Variants in GALNT2 observed in about 807,000 individuals in gnomAD.
The protein encoded by GALNT2 is polypeptide N-acetylgalactosaminyltransferase 2, also known as UDP-GalNAc:polypeptide N-acetylgalactosaminyltransferase 2.
GALNT2 carries 31 observed loss-of-function variants against 81.4 expected under a neutral mutation model. That is an observed-to-expected ratio of 0.38 (90% confidence interval 0.29 to 0.51). The LOEUF (loss-of-function observed/expected upper bound fraction) is 0.51, where lower values mean the gene tolerates loss of function less well. Ranked by LOEUF, GALNT2 falls within the 20% of genes least tolerant of loss-of-function variation. GALNT2 has a pLI of 0.87. For synonymous variants in GALNT2, 303 were observed against 287.4 expected (o/e 1.05, Z -0.55); for missense variants, 629 against 765.7 (o/e 0.82, Z 2.11).
At chr1:230,092,180 T>TTTTTTG (rs1463456206) in intron 1 of GALNT2, 1 of 109,118 alleles carries the variant, frequency 9.2e-6, no homozygotes, top group Admixed American at 9.8e-5. Flanking sequence ...CCTTTAGTTT[T>TTTTTTG]TTTTTTTTTT....
intron 1 of GALNT2, among the ~76,000 whole-genome samples, chr1:230,108,778 C>T (rs1391761517): frequency 1.3e-5 from 2 of 152,226 alleles, no homozygotes; most frequent in South Asian, 2.1e-4. Context: ...TGTTTAACTT[C>T]GTGACCGTGT....
intron 11 of GALNT2, chr1:230,261,962 G>C (rs1279781067): frequency 6.6e-6 from 1 of 151,536 alleles, no homozygotes; most frequent in African/African-American, 2.4e-5. Flanking sequence ...AGTGAGCCGA[G>C]ATCTCGCCAC....
intron 1 of GALNT2, among the ~76,000 whole-genome samples, chr1:230,114,756 T>C (rs2102793882): frequency 6.6e-6 from 1 of 152,322 alleles, no homozygotes; most frequent in East Asian, 1.9e-4. Flanking sequence ...TGGTGTGGCA[T>C]TAATGGCAGT....
rs140514370 is a variant in GALNT2, at chr1:230,274,451, G to T, written c.1447G>T (p.Ala483Ser). The stretch of plus-strand genomic sequence containing the variant: ...TTCTGGTTTTGTGTTCCAGGAATGG[G>T]CCTTGACGAAGGAGAAGTCGGTGAA... ...CHNAGGNQEWALTKEKSVKHM... is the reference protein window; with the variant it reads ...CHNAGGNQEWSLTKEKSVKHM... The change falls in exon 15 of 16, where the codon GCC (alanine) becomes TCC (serine). Residue 483 changes from alanine (A) to serine (S), a missense_variant. Ala to Ser is a moderately conservative substitution (Grantham distance 99). Transcript: ENST00000366672. The T allele has an allele frequency of 1.9e-6, 3 of 1,613,308 alleles. No individual in the cohort carries two copies. Among genetic ancestry groups the T allele is most frequent in the East Asian group, 4.5e-5 (2 of 44,888 alleles).
intron 1 of GALNT2, among the ~76,000 whole-genome samples, chr1:230,081,040 T>C (rs887633423): frequency 2.0e-5 from 3 of 152,170 alleles, no homozygotes; most frequent in Non-Finnish European, 4.4e-5. Context: ...AGAGCCAGCC[T>C]CCTCTGCCAG....
At chr1:230,077,253 A>C (rs1271539205) in intron 1 of GALNT2, among the ~76,000 whole-genome samples, 1 of 152,186 alleles carries the variant, frequency 6.6e-6, no homozygotes, top group East Asian at 1.9e-4. Flanking sequence ...TGTGACCTTC[A>C]AAAGGCCTGC....
intron 1 of GALNT2, among the ~76,000 whole-genome samples, chr1:230,120,361 T>C (rs112746821): frequency 6.0e-4 from 90 of 150,840 alleles, no homozygotes; most frequent in African/African-American, 2.1e-3. Flanking sequence ...ATGCCTGCCT[T>C]GTGGATGTCA....
intron 1 of GALNT2, among the ~76,000 whole-genome samples, chr1:230,112,131 A>C (rs1038796518): frequency 6.6e-6 from 1 of 152,130 alleles, no homozygotes; most frequent in Non-Finnish European, 1.5e-5. Flanking sequence ...CCACAGCTGG[A>C]TCTCAGCTCT....
intron 1 of GALNT2, among the ~76,000 whole-genome samples, chr1:230,062,105 G>C (rs1055542046): frequency 1.3e-5 from 2 of 152,088 alleles, no homozygotes; most frequent in Non-Finnish European, 2.9e-5. Context: ...TTACCGGTTT[G>C]ATGGGAGGAT....
intron 2 of GALNT2, among the ~76,000 whole-genome samples, chr1:230,201,812 C>G (rs114172474): frequency 2.6e-5 from 4 of 152,282 alleles, no homozygotes; most frequent in African/African-American, 9.6e-5. Flanking sequence ...CCTATTCTCC[C>G]GGAGAGTTGC....
intron 1 of GALNT2, among the ~76,000 whole-genome samples, chr1:230,160,012 G>A (rs1662382221): frequency 6.6e-6 from 1 of 152,150 alleles, no homozygotes; most frequent in Non-Finnish European, 1.5e-5. Context: ...GCACCACCCA[G>A]GTGCTTCCCT....
intron 1 of GALNT2, among the ~76,000 whole-genome samples, chr1:230,074,692 T>C (rs978440898): frequency 6.6e-6 from 1 of 152,226 alleles, no homozygotes; most frequent in South Asian, 2.1e-4. Flanking sequence ...GGAGGGCTAA[T>C]ATATTAATAC....
At chr1:230,270,501 A>AATTTC (rs1466255982) in intron 14 of GALNT2, among the ~76,000 whole-genome samples, 1 of 152,250 alleles carries the variant, frequency 6.6e-6, no homozygotes, top group Non-Finnish European at 1.5e-5. Context: ...TTACAAGTTT[A>AATTTC]ATTTCATTTC....
rs781338902 is a variant in GALNT2, at chr1:230,154,977, G to A, written c.127-23241G>A. 2.0e-3 allele frequency among the ~76,000 whole-genome samples: 304 copies of A among 152,204 alleles called. 1 individual carries two copies. Among genetic ancestry groups the A allele is most frequent in the Admixed American group, 3.3e-3 (50 of 15,292 alleles). On this transcript the variant is annotated intron_variant, in intron 1 of 15. Transcript: ENST00000366672. ...GGCCCCTTGCAGTTCTAATATTTAC[G>A]TACTAGCACTTAAAAAGACTTTCTC...
rs149645124 is a variant in GALNT2, at chr1:230,136,244, C to T, written c.127-41974C>T. ...TCAGGTAACTATGATCGAACCTGCACGCATTGTTTTAGTGCCACGTTGATT... is the reference window on the plus strand; with the variant it reads ...TCAGGTAACTATGATCGAACCTGCATGCATTGTTTTAGTGCCACGTTGATT... On this transcript the variant is annotated intron_variant, in intron 1 of 15. Transcript: ENST00000366672. Among the ~76,000 whole-genome samples the T allele has an allele frequency of 3.9e-3, 600 of 152,174 alleles. 3 individuals carry two copies. The highest frequency in any genetic ancestry group is 6.7e-3 in the Non-Finnish European group (459 of 68,014).
At chr1:230,079,729 T>C (rs1342967592) in intron 1 of GALNT2, among the ~76,000 whole-genome samples, 6 of 152,144 alleles carry the variant, frequency 3.9e-5, no homozygotes, top group African/African-American at 1.4e-4. Flanking sequence ...GTAATTCAAG[T>C]CTGGGTTCTT....
At chr1:230,096,446 C>G (rs984390216) in intron 1 of GALNT2, among the ~76,000 whole-genome samples, 6 of 152,284 alleles carry the variant, frequency 3.9e-5, no homozygotes, top group African/African-American at 1.4e-4. Context: ...CCAGAGGTGT[C>G]TGCGTCTCCC....
chr1:230,155,386 C>T lies in GALNT2; in HGVS notation c.127-22832C>T, dbSNP rs1662217028. 3.3e-5 allele frequency among the ~76,000 whole-genome samples: 5 copies of T among 152,242 alleles called. No homozygotes were observed. In the South Asian group the frequency reaches 1.0e-3, roughly 31 times the overall value. On this transcript the variant is annotated intron_variant, in intron 1 of 15. Transcript: ENST00000366672. ...GAGACCGGCCTCTCCCTAATTATAGCTCATCTCTTAATCCCGGTCATCATT... is the reference window on the plus strand; with the variant it reads ...GAGACCGGCCTCTCCCTAATTATAGTTCATCTCTTAATCCCGGTCATCATT...
chr1:230,197,351 G>T (rs1055786037), intron 2 of GALNT2, among the ~76,000 whole-genome samples: 1 of 152,172 alleles, frequency 6.6e-6, no homozygotes, highest in African/African-American at 2.4e-5. Flanking sequence ...CCGCAGGTCT[G>T]TACCCCTGCT....
Sources: allele counts gnomAD v4.1 joint callset (sites outside exome capture counted in the v4.1 genomes callset), GRCh38; gene constraint gnomAD v4.1.1; transcripts MANE v1.5; gene names NCBI Gene and HGNC (gene_info 2026-07-23, HGNC 2026-07-21).